CA10: variants seen among roughly 807,000 people sequenced by gnomAD.
CA10 encodes the protein carbonic anhydrase-related protein 10.
CA10 carries 14 observed loss-of-function variants against 44.2 expected under a neutral mutation model. That is an observed-to-expected ratio of 0.32 (90% CI 0.21 to 0.50). The LOEUF is 0.50. CA10 is among the 20% of genes least tolerant of loss of function. CA10 has a pLI of 0.99. For synonymous variants in CA10, 159 were observed against 141.6 expected, an observed-to-expected ratio of 1.12 and a Z score of -0.87; for missense variants, 350 against 409.7, an observed-to-expected ratio of 0.85 and a Z score of 1.26.
At chr17:52,003,139 C>T (rs1173881551) in intron 2 of CA10, among the ~76,000 whole-genome samples, 1 of 151,872 alleles carries the variant, frequency 6.6e-6, no homozygotes, top group Non-Finnish European at 1.5e-5. Context: ...CTTATTGATC[C>T]CTGAATATAG....
At chr17:51,862,307 ACT>A (rs1455587719) in intron 3 of CA10, among the ~76,000 whole-genome samples, 3 of 152,182 alleles carry the variant, frequency 2.0e-5, no homozygotes, top group Non-Finnish European at 4.4e-5. Flanking sequence ...TCCCTTTTGC[ACT>A]GAGATTCTCA....
intron 4 of CA10, among the ~76,000 whole-genome samples, chr17:51,691,925 T>C (rs1915209425): frequency 6.6e-6 from 1 of 152,204 alleles, no homozygotes; most frequent in Non-Finnish European, 1.5e-5. Context: ...TCCCAACCCA[T>C]GGGATACTTA....
intron 3 of CA10, among the ~76,000 whole-genome samples, chr17:51,767,542 T>G (rs890049206): frequency 4.6e-5 from 7 of 152,184 alleles, no homozygotes; most frequent in African/African-American, 1.7e-4. Context: ...CCCACCTTTT[T>G]GGCATCAGGG....
At chr17:52,060,046 T>C (rs564156796) in intron 2 of CA10, among the ~76,000 whole-genome samples, 1 of 152,290 alleles carries the variant, frequency 6.6e-6, no homozygotes, top group Non-Finnish European at 1.5e-5. Context: ...CATTTACTGA[T>C]TGGTGATAGA....
chr17:51,817,813 G>A (rs144877997), intron 3 of CA10, among the ~76,000 whole-genome samples: 50 of 152,228 alleles, frequency 3.3e-4, no homozygotes, highest in African/African-American at 1.1e-3. Context: ...CTACAGATAA[G>A]GAAACTGAGT....
intron 3 of CA10, among the ~76,000 whole-genome samples, chr17:51,888,032 C>A (rs1407160347): frequency 6.6e-6 from 1 of 151,390 alleles, no homozygotes; most frequent in Non-Finnish European, 1.5e-5. Context: ...CTCAAGAAAA[C>A]AAAAACAAAA....
chr17:51,933,013 G>A (rs1361506625), intron 2 of CA10, among the ~76,000 whole-genome samples: 4 of 152,020 alleles, frequency 2.6e-5, no homozygotes, highest in Non-Finnish European at 4.4e-5. Flanking sequence ...GTCTTTGTCC[G>A]TAACGCACAC....
chr17:51,806,157 G>A (rs1907127980), intron 3 of CA10, among the ~76,000 whole-genome samples: 1 of 152,180 alleles, frequency 6.6e-6, no homozygotes, highest in African/African-American at 2.4e-5. Context: ...TCACTAAGGG[G>A]TTTTACATAG....
chr17:51,876,012 T>C lies in CA10; in HGVS notation c.279+54978A>G, dbSNP rs139665653. On this transcript the variant is annotated intron_variant, in intron 3 of 8. Transcript: ENST00000451037. ...TAGTTCATTTCTTTTTATTGCTGAG[T>C]AGTATCCCATTGCATGGGGACCATG... 3.3e-4 allele frequency among the ~76,000 whole-genome samples: 51 copies of C among 152,280 alleles called. 3 individuals carry two copies. The highest frequency in any genetic ancestry group is 1.2e-3 in the African/African-American group (49 of 41,552).
At chr17:51,725,504 C>G (rs1916485441) in intron 4 of CA10, among the ~76,000 whole-genome samples, 1 of 152,184 alleles carries the variant, frequency 6.6e-6, no homozygotes, top group Admixed American at 6.5e-5. Flanking sequence ...CTCTCTGTGG[C>G]AGGGCCAGCA....
At chr17:52,155,889 T>C (rs1598244686) in intron 1 of CA10, among the ~76,000 whole-genome samples, 1 of 152,206 alleles carries the variant, frequency 6.6e-6, no homozygotes, top group Non-Finnish European at 1.5e-5. Context: ...TCCATTTGAA[T>C]AATTTAGTTG....
intron 3 of CA10, among the ~76,000 whole-genome samples, chr17:51,804,403 C>T (rs1353140275): frequency 6.6e-6 from 1 of 152,194 alleles, no homozygotes; most frequent in Non-Finnish European, 1.5e-5. Context: ...CAAGTTCCAT[C>T]CCATCTTGCT....
intron 3 of CA10, among the ~76,000 whole-genome samples, chr17:51,848,202 A>T (rs972231728): frequency 1.3e-5 from 2 of 152,230 alleles, no homozygotes; most frequent in Non-Finnish European, 2.9e-5. Context: ...CATTTGGTTG[A>T]TGCATCTCAT....
intron 2 of CA10, among the ~76,000 whole-genome samples, chr17:51,978,834 C>T (rs1166593831): frequency 1.3e-5 from 2 of 152,052 alleles, no homozygotes; most frequent in Non-Finnish European, 2.9e-5. Flanking sequence ...GGGTACTCAT[C>T]CCTAACATGT....
At chr17:52,150,782 G>T (rs1349470214) in intron 1 of CA10, among the ~76,000 whole-genome samples, 1 of 152,064 alleles carries the variant, frequency 6.6e-6, no homozygotes, top group Admixed American at 6.6e-5. Context: ...ATGTACAGAT[G>T]ATTCATTTCT....
intron 4 of CA10, among the ~76,000 whole-genome samples, chr17:51,699,726 C>A (rs897086632): frequency 1.3e-5 from 2 of 152,290 alleles, no homozygotes; most frequent in Admixed American, 1.3e-4. Context: ...CGGGGCATTG[C>A]TGATCTTGTT....
rs1912538347 is a variant in CA10 at position 51,630,830 on chromosome 17, C to A, written c.*754G>T. Reference sequence around the variant, plus strand: ...ACAATAACCAAACACAATGTATGACCTTTGGAAAACAAGAAACAGCAAATG... The same window carrying A: ...ACAATAACCAAACACAATGTATGACATTTGGAAAACAAGAAACAGCAAATG... On this transcript the variant is annotated 3_prime_UTR_variant, in exon 9 of 9. Transcript: ENST00000451037. The A allele has an allele frequency of 6.6e-6, 1 of 152,622 alleles. No individual in the cohort carries two copies. The highest frequency in any genetic ancestry group is 6.5e-5 in the Admixed American group (1 of 15,278). The allele number at this position is 152,622 out of a possible 1,614,324, so 9.5% of individuals were successfully genotyped here.
chr17:51,880,610 T>C (rs1032171850), intron 3 of CA10, among the ~76,000 whole-genome samples: 1 of 152,164 alleles, frequency 6.6e-6, no homozygotes, highest in Non-Finnish European at 1.5e-5. Flanking sequence ...CCACAAAATG[T>C]CTTTTCCGTG....
At chr17:52,004,077 G>T (rs80060699) in intron 2 of CA10, among the ~76,000 whole-genome samples, 4,049 of 151,922 alleles carry the variant, frequency 0.027, 178 homozygotes, top group African/African-American at 0.092. Flanking sequence ...TATGATGATT[G>T]ATTTGTAGAT....
Sources: gnomAD v4.1 joint callset for allele counts (sites outside exome capture counted in the v4.1 genomes callset) on GRCh38, gnomAD v4.1.1 for gene constraint, MANE v1.5 for transcripts, NCBI Gene and HGNC (gene_info 2026-07-23, HGNC 2026-07-21) for gene names.